Variants in LRRTM4 observed in about 807,000 individuals in gnomAD.
The protein encoded by LRRTM4 is leucine rich repeat transmembrane neuronal 4.
A neutral mutation model predicts 47.6 loss-of-function variants in LRRTM4; 25 were observed. The ratio of observed to expected loss-of-function variants is 0.53; its 90% CI spans 0.38 to 0.73. The LOEUF is 0.73. Ranked by LOEUF, LRRTM4 falls within the 30% of genes least tolerant of loss-of-function variation. The probability of loss-of-function intolerance (pLI) is 0.00; values close to 1 mark genes in which losing one functional copy is unlikely to be tolerated. For missense variants in LRRTM4, 638 were observed against 713.4 expected (o/e 0.89, Z 1.20); for synonymous variants, 311 against 269.5 (o/e 1.15, Z -1.51).
intron 3 of LRRTM4, among the ~76,000 whole-genome samples, chr2:77,471,644 C>T (rs1320486945): frequency 1.3e-5 from 2 of 152,102 alleles, no homozygotes; most frequent in South Asian, 2.1e-4. Context: ...AAATCATTTG[C>T]CCTTGATGTT....
At chr2:77,038,883 A>G (rs922256642) in intron 3 of LRRTM4, among the ~76,000 whole-genome samples, 3 of 151,390 alleles carry the variant, frequency 2.0e-5, no homozygotes, top group Non-Finnish European at 3.0e-5. Flanking sequence ...CAAAAAATGT[A>G]TGAGTTTAGA....
intron 3 of LRRTM4, among the ~76,000 whole-genome samples, chr2:76,914,367 T>C (rs562348437): frequency 2.1e-4 from 32 of 152,222 alleles, no homozygotes; most frequent in African/African-American, 7.7e-4. Context: ...CTGATTTGCA[T>C]TGTCAATAAA....
chr2:77,268,040 C>T (rs900776668), intron 3 of LRRTM4, among the ~76,000 whole-genome samples: 8 of 152,030 alleles, frequency 5.3e-5, no homozygotes, highest in Non-Finnish European at 1.2e-4. Context: ...TAAATTTATA[C>T]TTATGCTCTT....
intron 3 of LRRTM4, among the ~76,000 whole-genome samples, chr2:77,339,016 G>C (rs555234378): frequency 6.6e-6 from 1 of 151,876 alleles, no homozygotes; most frequent in Admixed American, 6.6e-5. Context: ...ACCAAATATC[G>C]CATGTTCCCA....
intron 3 of LRRTM4, among the ~76,000 whole-genome samples, chr2:77,140,854 A>T (rs1672100256): frequency 6.6e-6 from 1 of 152,368 alleles, no homozygotes; most frequent in Admixed American, 6.5e-5. Flanking sequence ...TTATGCAGCC[A>T]ACAGACACAT....
At chr2:77,018,259 C>CTTTTTGTTTTTTTTTTT (rs1678142328) in intron 3 of LRRTM4, among the ~76,000 whole-genome samples, 1 of 75,038 alleles carries the variant, frequency 1.3e-5, no homozygotes, top group Admixed American at 1.8e-4. Context: ...CTCTTGATTG[C>CTTTTTGTTTTTTTTTTT]TTTTTTTTTT....
chr2:76,804,793 ATT>A (rs1675887093), intron 3 of LRRTM4, among the ~76,000 whole-genome samples: 2 of 150,254 alleles, frequency 1.3e-5, no homozygotes, highest in Non-Finnish European at 1.5e-5. Flanking sequence ...TATATATATC[ATT>A]GTTTTATAAC....
chr2:77,098,584 C>A (rs775769966), intron 3 of LRRTM4, among the ~76,000 whole-genome samples: 16 of 151,920 alleles, frequency 1.1e-4, no homozygotes, highest in African/African-American at 3.9e-4. Context: ...GGGCCTCTTG[C>A]TAAGGAAATA....
intron 3 of LRRTM4, among the ~76,000 whole-genome samples, chr2:76,861,280 A>G (rs1256910394): frequency 1.3e-5 from 2 of 152,226 alleles, no homozygotes. Context: ...GCAGAAGACT[A>G]TAAAACACAT....
rs140465281 is a variant in LRRTM4 at position 77,137,722 on chromosome 2, G to A, written c.1551+380596C>T. Among the ~76,000 whole-genome samples the A allele has an allele frequency of 7.4e-3, 1,133 of 152,184 alleles. 19 individuals are homozygous for A. Among genetic ancestry groups the A allele is most frequent in the African/African-American group, 0.025 (1,027 of 41,500 alleles). ...AAGACCCATCAGTGTGCTGTATTCA[G>A]GAGACCCATGTCACACGCAGGGACA... is the stretch of plus-strand genomic sequence containing the variant. On this transcript the variant is annotated intron_variant, in intron 3 of 3. Coordinates refer to ENST00000409884, the MANE Select transcript of LRRTM4 (RefSeq NM_001134745.3).
chr2:77,241,752 A>G (rs1276733880), intron 3 of LRRTM4, among the ~76,000 whole-genome samples: 1 of 152,134 alleles, frequency 6.6e-6, no homozygotes, highest in Non-Finnish European at 1.5e-5. Context: ...ATCCAATGTC[A>G]TAAATCTTTT....
intron 3 of LRRTM4, among the ~76,000 whole-genome samples, chr2:77,426,890 C>T (rs552133285): frequency 6.6e-6 from 1 of 151,652 alleles, no homozygotes; most frequent in South Asian, 2.1e-4. Flanking sequence ...GAAATCTCTC[C>T]ACAGTGACAA....
intron 3 of LRRTM4, among the ~76,000 whole-genome samples, chr2:77,489,111 A>G (rs1397815044): frequency 8.1e-6 from 1 of 124,056 alleles, no homozygotes; most frequent in East Asian, 2.4e-4. Context: ...TGTTAGTAAT[A>G]CATATAATGA....
At chr2:77,400,673 C>G (rs1408357445) in intron 3 of LRRTM4, among the ~76,000 whole-genome samples, 1 of 151,844 alleles carries the variant, frequency 6.6e-6, no homozygotes, top group Non-Finnish European at 1.5e-5. Flanking sequence ...TAGATATGAT[C>G]TAGCCCTGAA....
At position 77,282,482 on chromosome 2, in the gene LRRTM4, T is replaced by C. The variant is rs1198428619; in HGVS notation, c.1551+235836A>G. Among the ~76,000 whole-genome samples the C allele has an allele frequency of 5.3e-5, 8 of 151,528 alleles. No homozygotes were observed. In the East Asian group the frequency reaches 5.8e-4, roughly 11 times the overall value. On this transcript the variant is annotated intron_variant, in intron 3 of 3. Coordinates refer to ENST00000409884, the MANE Select transcript of LRRTM4 (RefSeq NM_001134745.3). ...GCTCTGGCTAGGACTTCCAGGATTATGTTAAATAGAAATGGTAAAAGTGGG... is the reference window on the plus strand; with the variant it reads ...GCTCTGGCTAGGACTTCCAGGATTACGTTAAATAGAAATGGTAAAAGTGGG...
At chr2:77,098,058 A>G (rs1468230679) in intron 3 of LRRTM4, among the ~76,000 whole-genome samples, 1 of 152,038 alleles carries the variant, frequency 6.6e-6, no homozygotes, top group Non-Finnish European at 1.5e-5. Context: ...ATAAATTTGA[A>G]GACTCAGAAA....
intron 3 of LRRTM4, among the ~76,000 whole-genome samples, chr2:76,818,868 A>G (rs191145549): frequency 6.6e-6 from 1 of 151,964 alleles, no homozygotes; most frequent in Non-Finnish European, 1.5e-5. Context: ...TAAAGGTTAA[A>G]AGTTGAGGTA....
chr2:77,246,898 A>G (rs1418766493), intron 3 of LRRTM4, among the ~76,000 whole-genome samples: 2 of 151,936 alleles, frequency 1.3e-5, no homozygotes, highest in Non-Finnish European at 1.5e-5. Flanking sequence ...TATCTTTTTT[A>G]TCAAGCAAAA....
At chr2:77,005,311 A>C (rs1200586475) in intron 3 of LRRTM4, among the ~76,000 whole-genome samples, 1 of 151,970 alleles carries the variant, frequency 6.6e-6, no homozygotes, top group Non-Finnish European at 1.5e-5. Context: ...CACCCAGCTA[A>C]CTTTTGTAAT....
Sources: allele counts gnomAD v4.1 joint callset (sites outside exome capture counted in the v4.1 genomes callset), GRCh38; gene constraint gnomAD v4.1.1; transcripts MANE v1.5; gene names NCBI Gene and HGNC (gene_info 2026-07-23, HGNC 2026-07-21).